Variants in AZIN2 observed in about 807,000 individuals in gnomAD.
AZIN2 encodes the protein antizyme inhibitor 2, also known as ODC antizyme inhibitor-2.
A neutral mutation model predicts 47.8 loss-of-function variants in AZIN2; 28 were observed. The observed-to-expected ratio is 0.59, with a 90% CI of 0.43 to 0.80. The LOEUF is 0.80. AZIN2 is among the 30% of genes least tolerant of loss of function. The probability of loss-of-function intolerance (pLI) is 0.00; values close to 1 mark genes in which losing one functional copy is unlikely to be tolerated. For synonymous variants in AZIN2, 221 were observed against 239.4 expected (o/e 0.92, Z 0.71); for missense variants, 535 against 582.5 (o/e 0.92, Z 0.84).
At chr1:33,127,397 A>T (rs1360113420), downstream of AZIN2, among the ~76,000 whole-genome samples, 1 of 152,270 alleles carries the variant, frequency 6.6e-6, no homozygotes, top group Non-Finnish European at 1.5e-5. Flanking sequence ...CGACTTTACC[A>T]AACGGTGAGA....
At chr1:33,101,339 C>T (rs1302603611) in intron 10 of AZIN2, among the ~76,000 whole-genome samples, 1 of 152,108 alleles carries the variant, frequency 6.6e-6, no homozygotes, top group Non-Finnish European at 1.5e-5. Flanking sequence ...GTGCCTGGCC[C>T]CCACCCTCTT....
chr1:33,087,226 CG>C (rs1642017250), intron 5 of AZIN2, among the ~76,000 whole-genome samples: 1 of 151,830 alleles, frequency 6.6e-6, no homozygotes, highest in Non-Finnish European at 1.5e-5. Flanking sequence ...CTCCACCTCC[CG>C]GGTTCAAGTG....
At chr1:33,146,942 C>T in the AZIN2 span, 1 of 562,546 alleles carries the variant, frequency 1.8e-6, no homozygotes. Context: ...ATGTCACATC[C>T]TTGGATCAAA....
At chr1:33,101,820 C>T (rs770544362) in intron 10 of AZIN2, 1 of 776,728 alleles carries the variant, frequency 1.3e-6, no homozygotes, top group Non-Finnish European at 2.4e-6. Flanking sequence ...GCTTTTTCTC[C>T]CTCATATCAC....
In AZIN2 at chr1:33,092,058, G is replaced by A. The variant is rs770981661; in HGVS notation, c.288G>A (p.Met96Ile). 6.2e-7 allele frequency: 1 copy of A among 1,613,756 alleles called. No homozygotes were observed. The highest frequency in any genetic ancestry group is 1.1e-5 in the South Asian group (1 of 91,032). Residue 96 changes from methionine to isoleucine, a missense_variant, in exon 6 of 12, where the codon ATG (methionine) becomes ATA (isoleucine). Met to Ile is a conservative substitution (Grantham distance 10). Around this residue, in one of 3 missense-constraint regions of AZIN2, gnomAD observed 409 missense variants for 429.0 expected, o/e 0.95. Coordinates refer to ENST00000294517, the MANE Select transcript of AZIN2 (RefSeq NM_052998.4). ...CCTTTGGGGCCCCATAGGCAGAGAT[G>A]GAGTTGGTCCAGCATATTGGAATCC... ...LGFSCANKAEMELVQHIGIPA... is the reference protein window; with the variant it reads ...LGFSCANKAEIELVQHIGIPA...
chr1:33,098,081 A>G lies in AZIN2; in HGVS notation c.931A>G (p.Thr311Ala), dbSNP rs1557692569. 6.2e-7 allele frequency: 1 copy of G among 1,613,758 alleles called. No homozygotes were observed. Residue 311 changes from threonine (T) to alanine (A), a missense_variant, in exon 10 of 12, where the codon ACC becomes GCC. Physicochemically the swap from Thr to Ala is moderately conservative, Grantham distance 58. This residue lies in a region of AZIN2 where 409 missense variants were observed against 429.0 expected (regional missense o/e 0.95). Transcript: ENST00000294517. ...QPGREEENGS[T>A]SKTIVYHLDE... ...CCCTCCTGCAGAGGAAAATGGTTCC[A>G]CCTCCAAGACCATCGTGTACCACCT...
chr1:33,096,058 G>A (rs376614709), intron 8 of AZIN2, among the ~76,000 whole-genome samples: 4 of 152,086 alleles, frequency 2.6e-5, no homozygotes, highest in Admixed American at 2.0e-4. Context: ...GGCTGGTCTC[G>A]AATTCCTGAC....
At chr1:33,082,103 C>A in intron 3 of AZIN2, 75 bp from the exon 4 acceptor site, 1 of 685,466 alleles carries the variant, frequency 1.5e-6, no homozygotes, top group Non-Finnish European at 2.6e-6. Context: ...GGATTGGGAT[C>A]CCTGGCCTCG....
At chr1:33,104,233 T>C (rs1377613894) in intron 10 of AZIN2, among the ~76,000 whole-genome samples, 1 of 152,230 alleles carries the variant, frequency 6.6e-6, no homozygotes, top group Non-Finnish European at 1.5e-5. Context: ...ATTTTGTTTT[T>C]GTTTATTGTT....
At chr1:33,084,730 T>C (rs116649749) in intron 5 of AZIN2, among the ~76,000 whole-genome samples, 4,029 of 152,174 alleles carry the variant, frequency 0.026, 189 homozygotes, top group African/African-American at 0.091. Context: ...CCCGAGTAGA[T>C]GGGATTACAG....
chr1:33,159,681 CACTT>C, the AZIN2 span: 4 of 1,601,970 alleles, frequency 2.5e-6, no homozygotes, highest in Non-Finnish European at 3.4e-6. This position sits in a 1 kb window ranked among gnomAD's most constrained non-coding sequence, Gnocchi z 4.2. Flanking sequence ...CGGCGGGTGG[CACTT>C]ACCGCTCGGA....
Position 33,097,946 on chromosome 1 carries a change from G to A in AZIN2, c.917-121G>A, listed in dbSNP as rs529032820. 258 of 674,562 alleles carry A rather than the reference G, an allele frequency of 3.8e-4. 3 individuals carry two copies. In the South Asian group the frequency reaches 4.5e-3, roughly 12 times the overall value. 41.8% of individuals were successfully genotyped at this position (674,562 alleles called of 1,614,324 possible). A position where few individuals can be genotyped will look rare whatever the true frequency, so the allele number is the denominator to read the frequency against. ...GCTGATGGCTTTTGTTGTAGGCCTC[G>A]CCTCATGGTTGAGGAATGGGTAGCC... On this transcript the variant is annotated intron_variant, in intron 9 of 11. Coordinates refer to ENST00000294517, the MANE Select transcript of AZIN2 (RefSeq NM_052998.4).
At chr1:33,105,665 C>T (rs143929147) in intron 10 of AZIN2, among the ~76,000 whole-genome samples, 2,529 of 152,268 alleles carry the variant, frequency 0.017, 78 homozygotes, top group African/African-American at 0.058. Context: ...AATCACCTCC[C>T]AACAGGCCCC....
Position 33,117,859 on chromosome 1 carries a change from G to C in AZIN2, c.1030-43G>C, listed in dbSNP as rs773932767. 28 of 1,608,798 alleles carry C rather than the reference G, an allele frequency of 1.7e-5. No homozygotes were observed. In the South Asian group the frequency reaches 3.1e-4, roughly 18 times the overall value. ...TGAGGGAGGGAGTGGCAAGGCTGTT[G>C]TATGCCCAGGAGAGCTGGCATGGCC... On this transcript the variant is annotated intron_variant, in intron 10 of 11. Transcript: ENST00000294517.
chr1:33,136,117 T>C, the AZIN2 span, among the ~76,000 whole-genome samples: 12 of 31,182 alleles, frequency 3.8e-4, no homozygotes, highest in South Asian at 0.01. Flanking sequence ...GGCCAGCCCT[T>C]CCTTCCTTCC....
At chr1:33,114,178 G>C (rs1326083573) in intron 10 of AZIN2, among the ~76,000 whole-genome samples, 1 of 150,718 alleles carries the variant, frequency 6.6e-6, no homozygotes, top group Non-Finnish European at 1.5e-5. Flanking sequence ...CTGGAGTGCA[G>C]TGGTGCGATC....
At chr1:33,125,775 C>A (rs1477205145), downstream of AZIN2, among the ~76,000 whole-genome samples, 6 of 152,118 alleles carry the variant, frequency 3.9e-5, no homozygotes, top group Admixed American at 3.9e-4. Flanking sequence ...ACATGCCAGA[C>A]ACACTTACAA....
At chr1:33,126,552 G>C (rs1453640106), downstream of AZIN2, among the ~76,000 whole-genome samples, 1 of 152,092 alleles carries the variant, frequency 6.6e-6, no homozygotes, top group African/African-American at 2.4e-5. Flanking sequence ...ATGGGAGTGG[G>C]GGATGTGGCT....
chr1:33,109,789 T>A (rs935516466), intron 10 of AZIN2, among the ~76,000 whole-genome samples: 1 of 152,076 alleles, frequency 6.6e-6, no homozygotes. Flanking sequence ...CTTGTTTGCC[T>A]CCCCCCTGCT....
Sources: gnomAD v4.1 joint callset for allele counts (sites outside exome capture counted in the v4.1 genomes callset) on GRCh38, gnomAD v4.1.1 for gene constraint, gnomAD v4.1.1 regional missense constraint, Gnocchi (gnomAD v3.1) non-coding constraint, MANE v1.5 for transcripts, NCBI Gene and HGNC (gene_info 2026-07-23, HGNC 2026-07-21) for gene names.